Variants in MSN observed in about 807,000 individuals in gnomAD.
The protein encoded by MSN is epididymis luminal protein 70.
Under a neutral mutation model 48.0 loss-of-function variants are expected in MSN, and 2 were observed. That is an observed-to-expected ratio of 0.04 (90% CI 0.02 to 0.13). The LOEUF is 0.13. Among genes scored for constraint, MSN ranks in the 10% least tolerant of loss-of-function variants. MSN has a pLI of 1.00. For synonymous variants in MSN, 146 were observed against 166.9 expected (o/e 0.87, Z 0.97); for missense variants, 267 against 470.1 (o/e 0.57, Z 3.99).
At chrX:65,672,837 C>G (rs1200944835) in intron 1 of MSN, among the ~76,000 whole-genome samples, 1 of 111,528 alleles carries the variant, frequency 9.0e-6, no homozygotes, top group Admixed American at 9.6e-5. Context: ...AGCATTGAGT[C>G]TCTTATATGT....
At chrX:65,617,633 T>C (rs1160825261) in intron 1 of MSN, among the ~76,000 whole-genome samples, 1 of 100,895 alleles carries the variant, frequency 9.9e-6, no homozygotes, top group Non-Finnish European at 2.0e-5. Context: ...GTCTATCAAT[T>C]TTGTTGATCC....
intron 1 of MSN, among the ~76,000 whole-genome samples, chrX:65,681,740 G>T (rs920470552): frequency 8.9e-6 from 1 of 111,860 alleles, no homozygotes; most frequent in Non-Finnish European, 1.9e-5. Flanking sequence ...TCTGCAAGTG[G>T]TCTGTGAGGT....
chrX:65,663,258 CA>C (rs59074461), upstream of MSN, among the ~76,000 whole-genome samples: 682 of 70,608 alleles, frequency 9.7e-3, 1 homozygote, highest in African/African-American at 0.02. Flanking sequence ...AACTTTGTCT[CA>C]AAAAAAAAAA....
chrX:65,644,530 C>CA (rs1451027980), intron 1 of MSN, among the ~76,000 whole-genome samples: 1 of 111,954 alleles, frequency 8.9e-6, no homozygotes, highest in Non-Finnish European at 1.9e-5. Flanking sequence ...ATAAAAAGGA[C>CA]ATTATGTTTT....
chrX:65,640,647 C>T (rs917501712), intron 1 of MSN, among the ~76,000 whole-genome samples: 4 of 111,650 alleles, frequency 3.6e-5, no homozygotes, highest in South Asian at 3.7e-4. Flanking sequence ...CAGCATACTC[C>T]GTGGCCTGAT....
chrX:65,729,651 G>T lies in MSN; in HGVS notation c.406G>T (p.Asp136Tyr). The change falls in exon 4 of 13, where the codon GAC becomes TAC. Residue 136 changes from aspartate to tyrosine, a missense_variant. Physicochemically the swap from Asp to Tyr is radical, Grantham distance 160. Around this residue, in one of 5 missense-constraint regions of MSN, gnomAD observed 89 missense variants for 151.0 expected, o/e 0.59. Transcript: ENST00000360270. ...ASYAVQSKYG[D>Y]FNKEVHKSGY... is the part of the protein sequence containing the mutation. ...GTATGCTGTCCAGTCTAAGTATGGCGACTTCAATAAGGAAGTGCATAAGTC... is the reference window on the plus strand; with the variant it reads ...GTATGCTGTCCAGTCTAAGTATGGCTACTTCAATAAGGAAGTGCATAAGTC... 1 of 1,211,548 alleles carries T rather than the reference G, an allele frequency of 8.3e-7. No individual in the cohort carries two copies. Among genetic ancestry groups the T allele is most frequent in the Non-Finnish European group, 1.1e-6 (1 of 895,472 alleles).
intron 2 of MSN, 95 bp downstream of exon 2, chrX:65,716,996 C>T: frequency 1.3e-6 from 1 of 788,549 alleles, no homozygotes. Flanking sequence ...CAAAGAATCT[C>T]TCTTCCTGTT....
intron 1 of MSN, among the ~76,000 whole-genome samples, chrX:65,692,896 T>A (rs1445046384): frequency 4.5e-5 from 5 of 111,482 alleles, no homozygotes; most frequent in Non-Finnish European, 9.4e-5. Context: ...GCTAGGCTGG[T>A]CTCGAACTCC....
At chrX:65,623,427 G>T (rs1602729254) in intron 1 of MSN, among the ~76,000 whole-genome samples, 1 of 96,528 alleles carries the variant, frequency 1.0e-5, no homozygotes. Context: ...GGTTAATTCT[G>T]GCCTCAAATA....
intron 1 of MSN, among the ~76,000 whole-genome samples, chrX:65,696,980 C>T (rs1471574213): frequency 9.1e-6 from 1 of 110,487 alleles, no homozygotes; most frequent in Non-Finnish European, 1.9e-5. Flanking sequence ...TCCAGGAAGG[C>T]GGTCATACAA....
At chrX:65,681,811 C>T (rs1003277971) in intron 1 of MSN, among the ~76,000 whole-genome samples, 2 of 112,461 alleles carry the variant, frequency 1.8e-5, no homozygotes, top group Non-Finnish European at 3.8e-5. Context: ...TCCAGTTGGC[C>T]TTTTAAAGTT....
intron 1 of MSN, among the ~76,000 whole-genome samples, chrX:65,656,772 G>C (rs1472697225): frequency 9.0e-6 from 1 of 111,051 alleles, no homozygotes; most frequent in African/African-American, 3.3e-5. Context: ...TGTGCAGGAG[G>C]TAGGGCCCGG....
chrX:65,593,525 C>T (rs889659517), intron 1 of MSN: 3 of 111,808 alleles, frequency 2.7e-5, no homozygotes, highest in African/African-American at 6.5e-5. Flanking sequence ...AATGACAAGA[C>T]CTTATAGACA....
At chrX:65,707,935 G>A (rs2147491220) in intron 1 of MSN, among the ~76,000 whole-genome samples, 1 of 112,259 alleles carries the variant, frequency 8.9e-6, no homozygotes, top group South Asian at 3.7e-4. Context: ...CAGAAAACAG[G>A]AGAGCATAGA....
intron 2 of MSN, among the ~76,000 whole-genome samples, chrX:65,721,233 A>G (rs756998999): frequency 6.4e-4 from 72 of 112,362 alleles, no homozygotes; most frequent in African/African-American, 2.2e-3. Flanking sequence ...TGATATATAA[A>G]GCATAGGATT....
chrX:65,673,903 G>A (rs1324796723), intron 1 of MSN, among the ~76,000 whole-genome samples: 1 of 111,580 alleles, frequency 9.0e-6, no homozygotes, highest in Non-Finnish European at 1.9e-5. Context: ...GGGAGGGATG[G>A]TGAATGCCTA....
chrX:65,740,321 C>T lies in MSN; in HGVS notation c.*428C>T, dbSNP rs746949134. 1 of 182,270 alleles carries T rather than the reference C, an allele frequency of 5.5e-6. No individual in the cohort carries two copies. The allele number at this position is 182,270 out of a possible 1,213,427, so 15.0% of individuals were successfully genotyped here. A position where few individuals can be genotyped will look rare whatever the true frequency, so the allele number is the denominator to read the frequency against. The stretch of plus-strand genomic sequence containing the variant: ...AGATTTACACGGTTGGAGTGTTATG[C>T]GGTCTAGGGAATGAGACAGGACCTA... On this transcript the variant is annotated 3_prime_UTR_variant, in exon 13 of 13. Transcript: ENST00000360270.
intron 4 of MSN, 89 bp from the exon 5 acceptor site, chrX:65,731,018 T>G: frequency 2.7e-6 from 2 of 738,884 alleles, no homozygotes; most frequent in Non-Finnish European, 2.0e-6. Flanking sequence ...CCTCTTTGCA[T>G]CAGCCCCTTA....
At chrX:65,614,404 G>T (rs1602718905) in intron 1 of MSN, among the ~76,000 whole-genome samples, 1 of 108,961 alleles carries the variant, frequency 9.2e-6, no homozygotes, top group East Asian at 2.9e-4. Context: ...TTCTAATTTT[G>T]TGGAGAAAGT....
Sources: gnomAD v4.1 joint callset for allele counts (sites outside exome capture counted in the v4.1 genomes callset) on GRCh38, gnomAD v4.1.1 for gene constraint, gnomAD v4.1.1 regional missense constraint, MANE v1.5 for transcripts, NCBI Gene and HGNC (gene_info 2026-07-23, HGNC 2026-07-21) for gene names.